CLEC7A: variants seen among roughly 807,000 people sequenced by gnomAD.
CLEC7A encodes the protein C-type lectin domain containing 7A, also known as C-type lectin domain family 7 member A.
Under a neutral mutation model 26.9 loss-of-function variants are expected in CLEC7A, and 25 were observed. The observed-to-expected ratio is 0.93, with a 90% confidence interval of 0.68 to 1.30. The LOEUF is 1.30. Among genes scored for constraint, CLEC7A ranks in the 50% most tolerant of loss-of-function variants. The pLI is 0.00. For synonymous variants in CLEC7A, 100 were observed against 99.5 expected, an observed-to-expected ratio of 1.01 and a Z score of -0.03; for missense variants, 275 against 286.7, an observed-to-expected ratio of 0.96 and a Z score of 0.29.
Position 10,129,967 on chromosome 12 carries a change from A to C in CLEC7A, c.103+13T>G, listed in dbSNP as rs768973299. On this transcript the variant is annotated intron_variant, in intron 1 of 5. Coordinates refer to ENST00000304084, the MANE Select transcript of CLEC7A (RefSeq NM_197947.3). ...AGAGCTAAAGGCACACATTAGAAAA[A>C]ACATATATATACCTTTCTCTGAAAC... is the stretch of plus-strand genomic sequence containing the variant. The C allele has an allele frequency of 6.7e-7, 1 of 1,501,142 alleles. No homozygotes were observed. The highest frequency in any genetic ancestry group is 1.7e-5 in the Admixed American group (1 of 59,564). 93.0% of individuals were successfully genotyped at this position (1,501,142 alleles called of 1,614,324 possible).
Position 10,123,105 on chromosome 12 carries a change from T to A in CLEC7A, c.611+140A>T, listed in dbSNP as rs144977206. The A allele has an allele frequency of 1.7e-3, 1,039 of 621,246 alleles. 6 individuals are homozygous for A. The Middle Eastern group carries it at 0.026, about 16-fold the overall frequency. 38.5% of individuals were successfully genotyped at this position (621,246 alleles called of 1,614,324 possible). ...TCCTCTTGTCCTAGTTCACTCTTTC[T>A]CTTCTTCTATATCTTTCTCCCTCTC... On this transcript the variant is annotated intron_variant, in intron 5 of 5. Coordinates refer to ENST00000304084, the MANE Select transcript of CLEC7A (RefSeq NM_197947.3).
Position 10,118,521 on chromosome 12 carries a change from G to A in CLEC7A, c.681C>T (p.Val227=). The A allele has an allele frequency of 6.2e-7, 1 of 1,612,344 alleles. No homozygotes were observed. ...SPNCVWIHVS[V]IYDQLCSVPS... is the part of the protein sequence containing the mutation. ...GCACACTACACAGTTGGTCATAAAT[G>A]ACTGACACGTGAATCCATACACAAT... Residue 227 remains valine (V), a synonymous_variant, in exon 6 of 6, where the codon GTC becomes GTT. Transcript: ENST00000304084.
intron 2 of CLEC7A, chr12:10,127,086 G>T: frequency 7.3e-7 from 1 of 1,376,346 alleles, no homozygotes; most frequent in Non-Finnish European, 9.6e-7. Context: ...AAACTGCCCA[G>T]TACCTATAAC....
Position 10,118,212 on chromosome 12 carries a change from A to T in CLEC7A, c.*246T>A, listed in dbSNP as rs930018574. 16 of 425,970 alleles carry T rather than the reference A, an allele frequency of 3.8e-5. No homozygotes were observed. The highest frequency in any genetic ancestry group is 3.3e-4 in the African/African-American group (16 of 48,048). The allele number at this position is 425,970 out of a possible 1,614,324, so 26.4% of individuals were successfully genotyped here. ...ATAAATAAATAAAAAATAAAAACTC[A>T]AGCTTGGCTGCCCTGATTCCATGTC... is the stretch of plus-strand genomic sequence containing the variant. On this transcript the variant is annotated 3_prime_UTR_variant, in exon 6 of 6. Transcript: ENST00000304084.
intron 1 of CLEC7A, among the ~76,000 whole-genome samples, chr12:10,128,239 CACACA>C (rs750426247): frequency 8.3e-5 from 12 of 143,722 alleles, no homozygotes; most frequent in Non-Finnish European, 1.3e-4. Flanking sequence ...CACACACACA[CACACA>C]CACCACCAAC....
At chr12:10,118,999 TA>T (rs1381306485) in intron 5 of CLEC7A, among the ~76,000 whole-genome samples, 1 of 152,134 alleles carries the variant, frequency 6.6e-6, no homozygotes, top group African/African-American at 2.4e-5. Flanking sequence ...GCATTAATGC[TA>T]AAACAGATCT....
At chr12:10,124,941 G>A in intron 4 of CLEC7A, 1 of 222,562 alleles carries the variant, frequency 4.5e-6, no homozygotes. Context: ...GCTTACACCT[G>A]TAATCCCAAC....
intron 4 of CLEC7A, among the ~76,000 whole-genome samples, chr12:10,123,741 C>G (rs2137433325): frequency 8.1e-6 from 1 of 124,098 alleles, no homozygotes; most frequent in Admixed American, 7.8e-5. Flanking sequence ...GCAGTCCGGC[C>G]TGGGCGACAG....
intron 1 of CLEC7A, 103 bp from the exon 2 acceptor site, chr12:10,127,948 C>T (rs998746238): frequency 1.1e-5 from 8 of 749,220 alleles, no homozygotes; most frequent in Non-Finnish European, 1.7e-5. Context: ...TGCACGGTGG[C>T]TCACACCTGT....
At chr12:10,119,463 C>T (rs1237368769) in intron 5 of CLEC7A, among the ~76,000 whole-genome samples, 1 of 151,940 alleles carries the variant, frequency 6.6e-6, no homozygotes, top group Admixed American at 6.6e-5. Flanking sequence ...AAATGCCACC[C>T]GGAAAACAAA....
intron 3 of CLEC7A, among the ~76,000 whole-genome samples, chr12:10,125,866 A>G (rs1017017666): frequency 6.6e-6 from 1 of 152,182 alleles, no homozygotes; most frequent in African/African-American, 2.4e-5. Context: ...AAGTGAGAAA[A>G]GTATAGGCCA....
rs751475345 is a variant in CLEC7A at position 10,127,859 on chromosome 12, G to A, written c.104-14C>T. On this transcript the variant is annotated splice_polypyrimidine_tract_variant and intron_variant, in intron 1 of 5. Transcript: ENST00000304084. ...CAGCACACGATCCTGAGGAGCCAGA[G>A]GGGGCAGAAATGGAATAAAGAAAGA... 114 of 1,507,532 alleles carry A rather than the reference G, an allele frequency of 7.6e-5. No homozygotes were observed. Among genetic ancestry groups the A allele is most frequent in the Middle Eastern group, 5.2e-4 (3 of 5,818 alleles). The allele number at this position is 1,507,532 out of a possible 1,614,324, so 93.4% of individuals were successfully genotyped here.
intron 3 of CLEC7A, 67 bp downstream of exon 3, chr12:10,126,504 C>T (rs1428806138): frequency 4.0e-5 from 60 of 1,514,132 alleles, no homozygotes; most frequent in Non-Finnish European, 5.2e-5. Context: ...TACACCCCTG[C>T]CCCAGGCTTC....
At chr12:10,120,464 A>G (rs941802165) in intron 5 of CLEC7A, among the ~76,000 whole-genome samples, 1 of 152,258 alleles carries the variant, frequency 6.6e-6, no homozygotes, top group Non-Finnish European at 1.5e-5. Context: ...GTCTTAAGAA[A>G]AAATACCTGT....
intron 5 of CLEC7A, 109 bp downstream of exon 5, chr12:10,123,136 C>T: frequency 1.5e-6 from 1 of 684,756 alleles, no homozygotes; most frequent in East Asian, 2.7e-5. Flanking sequence ...CTCTCTTTCT[C>T]ATATATGGTG....
rs1947950182 is a variant in CLEC7A, at chr12:10,117,553, A to G, written c.*905T>C. The G allele has an allele frequency of 6.7e-6, 1 of 149,712 alleles. No homozygotes were observed. The highest frequency in any genetic ancestry group is 1.5e-5 in the Non-Finnish European group (1 of 67,392). 9.3% of individuals were successfully genotyped at this position (149,712 alleles called of 1,614,324 possible). On this transcript the variant is annotated 3_prime_UTR_variant, in exon 6 of 6. Transcript: ENST00000304084. Reference sequence around the variant, plus strand: ...CTCAAAAAAAAAAAAAAAAAAAAAGATTCTATTAGAGATATGGCAGATGTA... The same window carrying G: ...CTCAAAAAAAAAAAAAAAAAAAAAGGTTCTATTAGAGATATGGCAGATGTA...
chr12:10,127,256 T>C lies in CLEC7A; in HGVS notation c.202+491A>G. The C allele has an allele frequency of 2.2e-6, 3 of 1,389,938 alleles. No individual in the cohort carries two copies. In the South Asian group the frequency reaches 4.3e-5, roughly 20 times the overall value. The allele number at this position is 1,389,938 out of a possible 1,614,324, so 86.1% of individuals were successfully genotyped here. A position where few individuals can be genotyped will look rare whatever the true frequency, so the allele number is the denominator to read the frequency against. On this transcript the variant is annotated intron_variant, in intron 2 of 5. Coordinates refer to ENST00000304084, the MANE Select transcript of CLEC7A (RefSeq NM_197947.3). Reference sequence around the variant, plus strand: ...CAAGTGCCTCAGGAAATTTCTGGTGTATTCAAAGGTGTTTATATTAAAGAT... The same window carrying C: ...CAAGTGCCTCAGGAAATTTCTGGTGCATTCAAAGGTGTTTATATTAAAGAT...
chr12:10,123,216 G>C, intron 5 of CLEC7A, 29 bp downstream of exon 5: 1 of 1,392,266 alleles, frequency 7.2e-7, no homozygotes, highest in Non-Finnish European at 1.0e-6. Context: ...TGAGAAAAAG[G>C]ATGAAGCATT....
intron 3 of CLEC7A, 76 bp downstream of exon 3, chr12:10,126,495 A>G: frequency 1.3e-6 from 2 of 1,490,948 alleles, no homozygotes; most frequent in Non-Finnish European, 1.8e-6. Flanking sequence ...GTTTTTCTTT[A>G]CACCCCTGCC....
Sources: gnomAD v4.1 joint callset for allele counts (sites outside exome capture counted in the v4.1 genomes callset) on GRCh38, gnomAD v4.1.1 for gene constraint, MANE v1.5 for transcripts, NCBI Gene and HGNC (gene_info 2026-07-23, HGNC 2026-07-21) for gene names.